The following SLC16A12 variants were observed in gnomAD, a reference collection of about 807,000 sequenced individuals.
The protein encoded by SLC16A12 is monocarboxylate transporter 12.
A neutral mutation model predicts 42.4 loss-of-function variants in SLC16A12; 17 were observed. The observed-to-expected ratio is 0.40, with a 90% CI of 0.27 to 0.60. SLC16A12 has a LOEUF of 0.60. Among genes scored for constraint, SLC16A12 ranks in the 20% least tolerant of loss-of-function variants. SLC16A12 has a pLI of 0.42. For synonymous variants in SLC16A12, 224 were observed against 229.4 expected, an observed-to-expected ratio of 0.98 and a Z score of 0.21; for missense variants, 544 against 623.0, an observed-to-expected ratio of 0.87 and a Z score of 1.35.
intron 2 of SLC16A12, among the ~76,000 whole-genome samples, chr10:89,466,911 T>A (rs982168875): frequency 6.6e-5 from 10 of 152,160 alleles, no homozygotes; most frequent in African/African-American, 2.4e-4. Flanking sequence ...GTGAGTCATG[T>A]TTATGGTATG....
intron 2 of SLC16A12, among the ~76,000 whole-genome samples, chr10:89,483,555 A>G (rs573510377): frequency 6.6e-6 from 1 of 152,228 alleles, no homozygotes; most frequent in South Asian, 2.1e-4. Flanking sequence ...ATAAATTGCA[A>G]TAACCCTCTA....
intron 2 of SLC16A12, among the ~76,000 whole-genome samples, chr10:89,532,497 GT>G (rs1191177869): frequency 2.0e-5 from 3 of 152,102 alleles, no homozygotes; most frequent in Non-Finnish European, 4.4e-5. Flanking sequence ...TGTGTATTTA[GT>G]TTTCATCAAT....
chr10:89,441,338 C>G, intron 4 of SLC16A12, 87 bp from the exon 5 acceptor site: 1 of 1,544,458 alleles, frequency 6.5e-7, no homozygotes, highest in Non-Finnish European at 8.9e-7. Context: ...GAGGAGAGAA[C>G]CTTTAAAGCA....
intron 2 of SLC16A12, among the ~76,000 whole-genome samples, chr10:89,515,125 A>G (rs1843227517): frequency 6.8e-6 from 1 of 147,566 alleles, no homozygotes; most frequent in Non-Finnish European, 1.5e-5. Flanking sequence ...AAAACAAAAC[A>G]AAACAAAAAA....
chr10:89,523,733 C>T (rs1415291620), intron 2 of SLC16A12, among the ~76,000 whole-genome samples: 3 of 152,178 alleles, frequency 2.0e-5, no homozygotes, highest in Non-Finnish European at 4.4e-5. Flanking sequence ...AGCTGAAGCA[C>T]TACTCCAGGC....
chr10:89,440,147 G>A (rs1841882894), intron 5 of SLC16A12, among the ~76,000 whole-genome samples: 1 of 150,078 alleles, frequency 6.7e-6, no homozygotes, highest in Non-Finnish European at 1.5e-5. Flanking sequence ...GAGGGGCTGT[G>A]AGCCTGGATT....
intron 2 of SLC16A12, among the ~76,000 whole-genome samples, chr10:89,505,522 G>A (rs1843047678): frequency 6.6e-6 from 1 of 152,168 alleles, no homozygotes; most frequent in Non-Finnish European, 1.5e-5. Context: ...CAGAAGATGG[G>A]TGATTTCTGC....
At chr10:89,549,757 T>C (rs903505854) in intron 2 of SLC16A12, among the ~76,000 whole-genome samples, 1 of 152,212 alleles carries the variant, frequency 6.6e-6, no homozygotes, top group Non-Finnish European at 1.5e-5. Flanking sequence ...CTGGTCTACA[T>C]CTGCCCCACA....
intron 5 of SLC16A12, among the ~76,000 whole-genome samples, chr10:89,439,869 T>G (rs1841874438): frequency 1.3e-5 from 2 of 151,548 alleles, no homozygotes; most frequent in African/African-American, 4.8e-5. Context: ...CTCAGGAGTT[T>G]GAGACCAGCC....
chr10:89,436,908 GAAAGAA>G (rs903187527), intron 6 of SLC16A12, among the ~76,000 whole-genome samples: 25 of 148,244 alleles, frequency 1.7e-4, no homozygotes, highest in African/African-American at 5.4e-4. Context: ...AAGAAAGAAA[GAAAGAA>G]AAAGAAAGAG....
At chr10:89,526,759 C>G (rs1449481736) in intron 2 of SLC16A12, among the ~76,000 whole-genome samples, 1 of 152,192 alleles carries the variant, frequency 6.6e-6, no homozygotes, top group Non-Finnish European at 1.5e-5. Flanking sequence ...CATCGGTCCG[C>G]CACCCATTGC....
At chr10:89,542,418 T>G (rs1285116543) in intron 2 of SLC16A12, among the ~76,000 whole-genome samples, 1 of 151,502 alleles carries the variant, frequency 6.6e-6, no homozygotes, top group Non-Finnish European at 1.5e-5. Flanking sequence ...TTCTTGTGCC[T>G]CAGCCTCCTG....
intron 3 of SLC16A12, among the ~76,000 whole-genome samples, chr10:89,461,581 A>T (rs1298834664): frequency 6.6e-6 from 1 of 152,178 alleles, no homozygotes; most frequent in Non-Finnish European, 1.5e-5. Flanking sequence ...GCCACATCAC[A>T]CCATTATGAC....
intron 3 of SLC16A12, among the ~76,000 whole-genome samples, chr10:89,454,597 C>A (rs1842154275): frequency 1.3e-5 from 2 of 151,936 alleles, no homozygotes; most frequent in African/African-American, 4.8e-5. Flanking sequence ...CTTCTGCTTG[C>A]CTCTTTTAAC....
chr10:89,497,457 G>A (rs1842936367), intron 2 of SLC16A12, among the ~76,000 whole-genome samples: 1 of 152,106 alleles, frequency 6.6e-6, no homozygotes, highest in South Asian at 2.1e-4. Context: ...AAATTGCTGG[G>A]AACTCAAAGA....
rs200305713 is a variant in SLC16A12 at position 89,486,598 on chromosome 10, A to G, written c.-46-23974T>C. On this transcript the variant is annotated intron_variant, in intron 2 of 7. Coordinates refer to ENST00000371790, the MANE Select transcript of SLC16A12 (RefSeq NM_213606.4). The stretch of plus-strand genomic sequence containing the variant: ...CAGAGTGAAACCTTGTCTCAAAAAA[A>G]AAAAAAAAGAAAGAAAGAAAGAAAG... Among the ~76,000 whole-genome samples the G allele has an allele frequency of 7.1e-4, 91 of 128,150 alleles. 2 individuals carry two copies. The highest frequency in any genetic ancestry group is 6.4e-3 in the Admixed American group (79 of 12,252). The allele number at this position is 128,150 out of a possible 152,430, so 84.1% of individuals were successfully genotyped here. A position where few individuals can be genotyped will look rare whatever the true frequency, so the allele number is the denominator to read the frequency against.
chr10:89,460,612 T>C (rs1327435083), intron 3 of SLC16A12, among the ~76,000 whole-genome samples: 1 of 151,460 alleles, frequency 6.6e-6, no homozygotes, highest in Non-Finnish European at 1.5e-5. Context: ...GTACAAAATT[T>C]TGTATCCCTG....
intron 2 of SLC16A12, 69 bp from the exon 3 acceptor site, chr10:89,462,693 G>C: frequency 6.9e-7 from 1 of 1,440,688 alleles, no homozygotes; most frequent in Non-Finnish European, 9.1e-7. Context: ...TCTTCACTTG[G>C]TAAGACATGA....
At chr10:89,457,015 T>C (rs187485550) in intron 3 of SLC16A12, among the ~76,000 whole-genome samples, 65 of 152,322 alleles carry the variant, frequency 4.3e-4, no homozygotes, top group Non-Finnish European at 2.9e-5. Context: ...GCACTGAACA[T>C]ACGTGTGCAT....
Sources: gnomAD v4.1 joint callset for allele counts (sites outside exome capture counted in the v4.1 genomes callset) on GRCh38, gnomAD v4.1.1 for gene constraint, MANE v1.5 for transcripts, NCBI Gene and HGNC (gene_info 2026-07-23, HGNC 2026-07-21) for gene names.